The following PPP3CB variants were observed in gnomAD, a reference collection of about 807,000 sequenced individuals.
The protein encoded by PPP3CB is serine/threonine-protein phosphatase 2B catalytic subunit beta isoform.
PPP3CB carries 8 observed loss-of-function variants against 66.4 expected under a neutral mutation model. The observed-to-expected ratio is 0.12, with a 90% CI of 0.07 to 0.22. The LOEUF (loss-of-function observed/expected upper bound fraction) is 0.22. Among genes scored for constraint, PPP3CB ranks in the 10% least tolerant of loss-of-function variants. The pLI is 1.00. For missense variants in PPP3CB, 319 were observed against 642.5 expected, an observed-to-expected ratio of 0.50 and a Z score of 5.44; for synonymous variants, 208 against 221.2, an observed-to-expected ratio of 0.94 and a Z score of 0.53.
chr10:73,458,280 G>A (rs2056462469), intron 9 of PPP3CB, among the ~76,000 whole-genome samples: 1 of 151,974 alleles, frequency 6.6e-6, no homozygotes, highest in Non-Finnish European at 1.5e-5. Context: ...GGGATTACAG[G>A]CACGCACCAC....
rs2056713286 is a variant in PPP3CB, at chr10:73,472,241, T to C, written c.524-628A>G. 4.6e-5 allele frequency among the ~76,000 whole-genome samples: 7 copies of C among 152,206 alleles called. 1 individual carries two copies. The South Asian group carries it at 1.4e-3, about 31-fold the overall frequency. ...CAGGCACGGTGGCTCACGCCTGTAA[T>C]CCCAGCACTTTGACAGGCCAAAGCA... On this transcript the variant is annotated intron_variant, in intron 4 of 13. Coordinates refer to ENST00000360663, the MANE Select transcript of PPP3CB (RefSeq NM_021132.4).
intron 1 of PPP3CB, among the ~76,000 whole-genome samples, chr10:73,482,724 C>T (rs144072719): frequency 0.049 from 7,427 of 151,498 alleles, 554 homozygotes; most frequent in African/African-American, 0.16. Context: ...TTCAAGCGAT[C>T]CTCCTGCCTC....
intron 9 of PPP3CB, among the ~76,000 whole-genome samples, chr10:73,460,367 T>C (rs2056502289): frequency 6.6e-6 from 1 of 151,428 alleles, no homozygotes; most frequent in Admixed American, 6.6e-5. Context: ...TTTGAATAAT[T>C]TATAAAAGAA....
intron 4 of PPP3CB, among the ~76,000 whole-genome samples, chr10:73,473,831 A>T (rs2056741879): frequency 6.6e-6 from 1 of 152,078 alleles, no homozygotes; most frequent in Non-Finnish European, 1.5e-5. Flanking sequence ...GTACCTGACT[A>T]GTCTTAAAAC....
At chr10:73,495,759 A>G in intron 1 of PPP3CB, 46 bp downstream of exon 1, 1 of 1,506,636 alleles carries the variant, frequency 6.6e-7, no homozygotes. Context: ...CCTCACACAC[A>G]GCTAGCTCTT....
intron 1 of PPP3CB, among the ~76,000 whole-genome samples, chr10:73,487,307 G>A (rs562716782): frequency 5.1e-4 from 77 of 152,070 alleles, no homozygotes; most frequent in African/African-American, 1.8e-3. Flanking sequence ...CAGTACTTTG[G>A]GAGGTCAAGG....
intron 12 of PPP3CB, among the ~76,000 whole-genome samples, chr10:73,441,431 TC>T (rs143066046): frequency 0.047 from 7,075 of 151,326 alleles, 505 homozygotes; most frequent in African/African-American, 0.15. Flanking sequence ...AGACCTCATC[TC>T]CCCCCAAAAA....
At chr10:73,454,558 A>AT in intron 9 of PPP3CB, 69 bp from the exon 10 acceptor site, 1 of 960,922 alleles carries the variant, frequency 1.0e-6, no homozygotes, top group Non-Finnish European at 1.6e-6. Context: ...CATAGCAACT[A>AT]TTTTTACAAA....
At chr10:73,481,587 A>G (rs2056879622) in intron 1 of PPP3CB, among the ~76,000 whole-genome samples, 1 of 151,154 alleles carries the variant, frequency 6.6e-6, no homozygotes. Context: ...GGAAATGTAC[A>G]GAACCAACTG....
rs1276271326 is a variant in PPP3CB, at chr10:73,495,931, T to A, written c.-42A>T. 2.0e-5 allele frequency: 2 copies of A among 99,698 alleles called. No homozygotes were observed. The highest frequency in any genetic ancestry group is 3.4e-5 in the Non-Finnish European group (2 of 58,722). The allele number at this position is 99,698 out of a possible 1,614,324, so 6.2% of individuals were successfully genotyped here. A position where few individuals can be genotyped will look rare whatever the true frequency, so the allele number is the denominator to read the frequency against. ...GGCTAGGCTCTGGGCCGGGCGGGGT[T>A]GGGGGCGGGGGCGGCGGCTACCAGA... On this transcript the variant is annotated 5_prime_UTR_variant, in exon 1 of 14. Coordinates refer to ENST00000360663, the MANE Select transcript of PPP3CB (RefSeq NM_021132.4).
intron 9 of PPP3CB, chr10:73,467,336 T>C (rs946759904): frequency 2.4e-5 from 7 of 292,330 alleles, no homozygotes; most frequent in Middle Eastern, 9.9e-4. Flanking sequence ...TATTTATAAA[T>C]CTTCTCCCAG....
At chr10:73,494,227 C>T (rs991544753) in intron 1 of PPP3CB, among the ~76,000 whole-genome samples, 7 of 152,016 alleles carry the variant, frequency 4.6e-5, no homozygotes, top group Non-Finnish European at 7.4e-5. Flanking sequence ...ATTCCAATGC[C>T]TGGCCCAACT....
intron 12 of PPP3CB, among the ~76,000 whole-genome samples, chr10:73,442,885 A>G (rs565317042): frequency 6.6e-6 from 1 of 151,780 alleles, no homozygotes; most frequent in Non-Finnish European, 1.5e-5. Context: ...CAGGAAAAAA[A>G]TTTTTTTTAT....
intron 1 of PPP3CB, among the ~76,000 whole-genome samples, chr10:73,495,010 A>G (rs2057160955): frequency 1.3e-5 from 2 of 152,222 alleles, no homozygotes; most frequent in South Asian, 4.1e-4. Context: ...TGTTGTGGGT[A>G]AACATCCATA....
At chr10:73,480,536 C>G (rs1047663386) in intron 1 of PPP3CB, among the ~76,000 whole-genome samples, 1 of 151,620 alleles carries the variant, frequency 6.6e-6, no homozygotes, top group African/African-American at 2.4e-5. Context: ...CCTTCGCCTC[C>G]CGGGTTCAAG....
chr10:73,451,653 A>G (rs1564551001), intron 10 of PPP3CB, among the ~76,000 whole-genome samples: 1 of 151,646 alleles, frequency 6.6e-6, no homozygotes, highest in South Asian at 2.1e-4. Flanking sequence ...CTGTAATCCC[A>G]GCGCTTTTTG....
chr10:73,439,369 G>A (rs2056111817), intron 13 of PPP3CB, among the ~76,000 whole-genome samples: 1 of 151,936 alleles, frequency 6.6e-6, no homozygotes, highest in South Asian at 2.1e-4. Context: ...CCAAACTGCG[G>A]CCAAAAAAGA....
intron 1 of PPP3CB, among the ~76,000 whole-genome samples, chr10:73,487,236 T>C (rs1438968718): frequency 6.6e-6 from 1 of 152,026 alleles, no homozygotes; most frequent in East Asian, 1.9e-4. Context: ...AGTTCCACCA[T>C]TATCAAAACC....
chr10:73,457,737 C>T (rs201780917), intron 9 of PPP3CB, among the ~76,000 whole-genome samples: 1 of 87,828 alleles, frequency 1.1e-5, no homozygotes, highest in Admixed American at 1.3e-4. Context: ...GACCCTGTCT[C>T]AAAAAAAAAA....
Sources: gnomAD v4.1 joint callset for allele counts (sites outside exome capture counted in the v4.1 genomes callset) on GRCh38, gnomAD v4.1.1 for gene constraint, MANE v1.5 for transcripts, NCBI Gene and HGNC (gene_info 2026-07-23, HGNC 2026-07-21) for gene names.